The following UGT1A9 variants were observed in gnomAD, a reference collection of about 807,000 sequenced individuals.
UGT1A9 encodes the protein UDP glucuronosyltransferase family 1 member A9.
UGT1A9 carries 35 observed loss-of-function variants against 45.0 expected under a neutral mutation model. The ratio of observed to expected loss-of-function variants is 0.78; its 90% CI spans 0.59 to 1.03. The LOEUF is 1.03. Ranked by LOEUF, UGT1A9 falls within the 50% of genes least tolerant of loss-of-function variation. The probability of loss-of-function intolerance (pLI) is 0.00; values close to 1 mark genes in which losing one functional copy is unlikely to be tolerated. For synonymous variants in UGT1A9, 278 were observed against 250.6 expected (o/e 1.11, Z -1.03); for missense variants, 687 against 666.6 (o/e 1.03, Z -0.34).
chr2:233,690,512 T>C, intron 1 of UGT1A9: 1 of 1,289,818 alleles, frequency 7.8e-7, no homozygotes, highest in Non-Finnish European at 1.0e-6. Flanking sequence ...AGATTTGTTT[T>C]ATCTTAGGAT....
At chr2:233,760,285 G>T (rs376515645) in intron 1 of UGT1A9, 112 of 1,612,816 alleles carry the variant, frequency 6.9e-5, no homozygotes, top group Non-Finnish European at 8.9e-5. Flanking sequence ...GAGCAAAGGC[G>T]CCATGGCTGT....
chr2:233,720,874 T>TTTC (rs1334783084), intron 1 of UGT1A9, among the ~76,000 whole-genome samples: 2 of 147,924 alleles, frequency 1.4e-5, no homozygotes, highest in Non-Finnish European at 3.0e-5. Context: ...CCTGGCAATT[T>TTTC]TTTTTTTTTT....
intron 1 of UGT1A9, among the ~76,000 whole-genome samples, chr2:233,694,123 T>TA: frequency 6.6e-6 from 1 of 152,238 alleles, no homozygotes; most frequent in East Asian, 1.9e-4. Flanking sequence ...GACAGTCACA[T>TA]ACTCATTGAA....
chr2:233,689,903 A>G (rs1559343888), intron 1 of UGT1A9: 1 of 456,734 alleles, frequency 2.2e-6, no homozygotes, highest in Non-Finnish European at 4.4e-6. Context: ...TCTCAGGGCC[A>G]GGTAGGTGCC....
chr2:233,743,821 G>A (rs375309664), intron 1 of UGT1A9: 180 of 1,367,120 alleles, frequency 1.3e-4, no homozygotes, highest in Middle Eastern at 2.1e-4. Flanking sequence ...GGTTTTTGTC[G>A]GGGTGCCACT....
Position 233,719,212 on chromosome 2 carries a change from T to C in UGT1A9, c.855+46423T>C, listed in dbSNP as rs1327237440. The C allele has an allele frequency of 1.9e-6, 3 of 1,614,142 alleles. No homozygotes were observed. The African/African-American group carries it at 4.0e-5, about 22-fold the overall frequency. ...GCCCTTCATAGGTGTTGTGTGGAGC[T>C]ACTGCATAATGAGGCCCTGATCAGG... On this transcript the variant is annotated intron_variant, in intron 1 of 4. Transcript: ENST00000354728.
rs45437497 is a variant in UGT1A9, at chr2:233,682,211, G to A, written c.855+9422G>A. 52 of 1,614,224 alleles carry A rather than the reference G, an allele frequency of 3.2e-5. No homozygotes were observed. The African/African-American group carries it at 6.9e-4, about 22-fold the overall frequency. Reference sequence around the variant, plus strand: ...GGAGGATCAGGACCGGGAGTTCATGGTTTTTGCCGATGCTCGCTGGACGGC... The same window carrying A: ...GGAGGATCAGGACCGGGAGTTCATGATTTTTGCCGATGCTCGCTGGACGGC... On this transcript the variant is annotated intron_variant, in intron 1 of 4. Coordinates refer to ENST00000354728, the MANE Select transcript of UGT1A9 (RefSeq NM_021027.3).
chr2:233,752,556 A>C (rs1374384067), intron 1 of UGT1A9: 1 of 152,204 alleles, frequency 6.6e-6, no homozygotes, highest in Non-Finnish European at 1.5e-5. Context: ...TTGCTGGGAC[A>C]ACATAGTGGG....
Position 233,679,630 on chromosome 2 carries a change from G to C in UGT1A9, c.855+6841G>C, listed in dbSNP as rs539070973. 7.0e-4 allele frequency among the ~76,000 whole-genome samples: 107 copies of C among 151,992 alleles called. 1 individual carries two copies. The highest frequency in any genetic ancestry group is 2.3e-3 in the African/African-American group (96 of 41,474). ...AACCCTGTTCAGGCAGATATCCTTT[G>C]TCCTCAATGCTTTTCTTCATGGCAT... On this transcript the variant is annotated intron_variant, in intron 1 of 4. Coordinates refer to ENST00000354728, the MANE Select transcript of UGT1A9 (RefSeq NM_021027.3).
At chr2:233,710,121 G>A (rs1020127755) in intron 1 of UGT1A9, among the ~76,000 whole-genome samples, 2 of 152,068 alleles carry the variant, frequency 1.3e-5, no homozygotes, top group Non-Finnish European at 2.9e-5. Flanking sequence ...TTCTATTTCC[G>A]AGTAGCATTT....
rs943105975 is a variant in UGT1A9 at position 233,672,401 on chromosome 2, T to C, written c.467T>C (p.Ile156Thr). The change falls in exon 1 of 5, where the codon ATT becomes ACT. Residue 156 changes from isoleucine to threonine, a missense_variant. Physicochemically the swap from Ile to Thr is moderately conservative, Grantham distance 89. Coordinates refer to ENST00000354728, the MANE Select transcript of UGT1A9 (RefSeq NM_021027.3). ...GATCCTTTTGATAACTGTGGCTTAATTGTTGCCAAATATTTCTCCCTCCCC... is the reference window on the plus strand; with the variant it reads ...GATCCTTTTGATAACTGTGGCTTAACTGTTGCCAAATATTTCTCCCTCCCC... ...FLDPFDNCGLIVAKYFSLPSV... is the reference protein window; with the variant it reads ...FLDPFDNCGLTVAKYFSLPSV... The C allele has an allele frequency of 3.1e-6, 5 of 1,613,984 alleles. No homozygotes were observed. The highest frequency in any genetic ancestry group is 2.7e-5 in the African/African-American group (2 of 74,922).
intron 1 of UGT1A9, among the ~76,000 whole-genome samples, chr2:233,737,486 G>A (rs929571204): frequency 1.3e-5 from 2 of 152,176 alleles, no homozygotes; most frequent in African/African-American, 4.8e-5. Context: ...TCTAGGAAAG[G>A]GAAATCCCTC....
chr2:233,675,462 C>G (rs79913681), intron 1 of UGT1A9, among the ~76,000 whole-genome samples: 3,010 of 152,142 alleles, frequency 0.02, 50 homozygotes, highest in Middle Eastern at 0.065. Context: ...TTGTCTATAC[C>G]ATCCATGGCA....
At chr2:233,737,433 A>G (rs1419343847) in intron 1 of UGT1A9, among the ~76,000 whole-genome samples, 1 of 152,146 alleles carries the variant, frequency 6.6e-6, no homozygotes, top group Non-Finnish European at 1.5e-5. Context: ...TTTGGGTGGG[A>G]GTGTCCCGTT....
At chr2:233,687,225 T>C (rs1035294052) in intron 1 of UGT1A9, among the ~76,000 whole-genome samples, 4 of 152,132 alleles carry the variant, frequency 2.6e-5, no homozygotes, top group African/African-American at 9.7e-5. Flanking sequence ...TCCAGCACAA[T>C]TATCTCCAAC....
chr2:233,711,694 C>A (rs1421464743), intron 1 of UGT1A9, among the ~76,000 whole-genome samples: 1 of 152,196 alleles, frequency 6.6e-6, no homozygotes, highest in Non-Finnish European at 1.5e-5. Context: ...ATGGGGGTAA[C>A]TTCCTCCCTA....
At chr2:233,701,241 G>A (rs1418250503) in intron 1 of UGT1A9, among the ~76,000 whole-genome samples, 2 of 152,066 alleles carry the variant, frequency 1.3e-5, no homozygotes, top group African/African-American at 4.8e-5. Context: ...ACCCAGTAAT[G>A]AGATGGCTGG....
At chr2:233,694,043 A>G (rs1023818564) in intron 1 of UGT1A9, among the ~76,000 whole-genome samples, 3 of 152,228 alleles carry the variant, frequency 2.0e-5, no homozygotes, top group African/African-American at 7.2e-5. Context: ...GAAGTGATAC[A>G]GAGGCATTCG....
chr2:233,673,111 G>T (rs748488446), intron 1 of UGT1A9, among the ~76,000 whole-genome samples: 1 of 152,110 alleles, frequency 6.6e-6, no homozygotes, highest in African/African-American at 2.4e-5. Flanking sequence ...GCCCGCCCCA[G>T]AGGAAATGGT....
Sources: gnomAD v4.1 joint callset for allele counts (sites outside exome capture counted in the v4.1 genomes callset) on GRCh38, gnomAD v4.1.1 for gene constraint, MANE v1.5 for transcripts, NCBI Gene and HGNC (gene_info 2026-07-23, HGNC 2026-07-21) for gene names.